Variants in MEF2D observed in about 807,000 individuals in gnomAD.
MEF2D encodes the protein myocyte-specific enhancer factor 2D.
Under a neutral mutation model 59.3 loss-of-function variants are expected in MEF2D, and 10 were observed. That is an observed-to-expected ratio of 0.17 (90% CI 0.10 to 0.29). The LOEUF (loss-of-function observed/expected upper bound fraction) is 0.29, where lower values mean the gene tolerates loss of function less well. MEF2D is among the 10% of genes least tolerant of loss of function. The pLI is 1.00. For missense variants in MEF2D, 508 were observed against 699.4 expected, an observed-to-expected ratio of 0.73 and a Z score of 3.09; for synonymous variants, 305 against 295.0, an observed-to-expected ratio of 1.03 and a Z score of -0.35.
intron 6 of MEF2D, among the ~76,000 whole-genome samples, chr1:156,477,488 G>A (rs186596658): frequency 1.8e-3 from 279 of 152,316 alleles, no homozygotes; most frequent in African/African-American, 6.2e-3. Context: ...GAACTGGAAA[G>A]CAGCCATTGC....
intron 1 of MEF2D, among the ~76,000 whole-genome samples, chr1:156,485,710 T>C (rs1672315601): frequency 6.6e-6 from 1 of 151,364 alleles, no homozygotes; most frequent in Non-Finnish European, 1.5e-5. Context: ...TCTTTTTTTT[T>C]TTTTTGGTAG....
intron 6 of MEF2D, among the ~76,000 whole-genome samples, chr1:156,477,909 C>T (rs1671724997): frequency 6.6e-6 from 1 of 152,214 alleles, no homozygotes; most frequent in African/African-American, 2.4e-5. Context: ...TATATCTGCT[C>T]CATATTCTAC....
In MEF2D at chr1:156,483,226, A is replaced by G; in HGVS notation, c.54+13T>C. On this transcript the variant is annotated intron_variant, in intron 2 of 11. Transcript: ENST00000348159. ...GCCCTCACCCACTTCGTACGGCTCTAGGACTTCCCTACCTGTCGGTTCCGC... is the reference window on the plus strand; with the variant it reads ...GCCCTCACCCACTTCGTACGGCTCTGGGACTTCCCTACCTGTCGGTTCCGC... 6.2e-7 allele frequency: 1 copy of G among 1,613,974 alleles called. No individual in the cohort carries two copies. The highest frequency in any genetic ancestry group is 1.6e-4 in the Middle Eastern group (1 of 6,062).
At chr1:156,486,450 A>G (rs2102184498) in intron 1 of MEF2D, among the ~76,000 whole-genome samples, 1 of 152,282 alleles carries the variant, frequency 6.6e-6, no homozygotes, top group South Asian at 2.1e-4. Flanking sequence ...TGAAAACCCA[A>G]TCTAGACTGT....
intron 1 of MEF2D, among the ~76,000 whole-genome samples, chr1:156,489,460 G>T (rs1351047201): frequency 6.6e-6 from 1 of 152,166 alleles, no homozygotes; most frequent in Admixed American, 6.5e-5. Flanking sequence ...AAAAGAGGCA[G>T]CGAGGCCAGA....
chr1:156,467,396 T>C lies in MEF2D; in HGVS notation c.*249A>G, dbSNP rs2101966698. 1 of 176,936 alleles carries C rather than the reference T, an allele frequency of 5.7e-6. No homozygotes were observed. Among genetic ancestry groups the C allele is most frequent in the African/African-American group, 2.5e-5 (1 of 40,208 alleles). The allele number at this position is 176,936 out of a possible 1,614,324, so 11.0% of individuals were successfully genotyped here. ...GCGAAAAAGAGAGCCCCCCAGCCAG[T>C]GAAAATGGTGGGGGGTACAGAAAGA... is the stretch of plus-strand genomic sequence containing the variant. On this transcript the variant is annotated 3_prime_UTR_variant, in exon 12 of 12. Coordinates refer to ENST00000348159, the MANE Select transcript of MEF2D (RefSeq NM_005920.4).
Position 156,468,991 on chromosome 1 carries a change from A to G in MEF2D, c.1036T>C (p.Ser346Pro). The G allele has an allele frequency of 4.3e-6, 7 of 1,612,268 alleles. No individual in the cohort carries two copies. Among genetic ancestry groups the G allele is most frequent in the Non-Finnish European group, 5.9e-6 (7 of 1,178,538 alleles). The change falls in exon 10 of 12, where the codon TCC (serine) becomes CCC (proline). Residue 346 changes from serine to proline, a missense_variant. Transcript: ENST00000348159. The surrounding 1 kb of genome is among the most constrained non-coding windows in gnomAD (Gnocchi z 4.3). ...DYQLTSAELS[S>P]LPAFSSPGGL... ...CCAGGTGAACTAAAGGCTGGTAAGGAGGAGAGCTCTGCACTGGTCAACTGG... is the reference window on the plus strand; with the variant it reads ...CCAGGTGAACTAAAGGCTGGTAAGGGGGAGAGCTCTGCACTGGTCAACTGG...
In MEF2D at chr1:156,483,233, C is replaced by T; in HGVS notation, c.54+6G>A. ...CCCACTTCGTACGGCTCTAGGACTTCCCTACCTGTCGGTTCCGCTCGTCGG... is the reference window on the plus strand; with the variant it reads ...CCCACTTCGTACGGCTCTAGGACTTTCCTACCTGTCGGTTCCGCTCGTCGG... On this transcript the variant is annotated splice_donor_region_variant and intron_variant, in intron 2 of 11. Transcript: ENST00000348159. 1.2e-6 allele frequency: 2 copies of T among 1,614,120 alleles called. No homozygotes were observed. Among genetic ancestry groups the T allele is most frequent in the Non-Finnish European group, 1.7e-6 (2 of 1,179,998 alleles).
intron 1 of MEF2D, among the ~76,000 whole-genome samples, chr1:156,500,268 G>A (rs532503964): frequency 6.6e-6 from 1 of 151,940 alleles, no homozygotes; most frequent in Non-Finnish European, 1.5e-5. Context: ...CACTCCACTT[G>A]TCCCCCACGA....
Position 156,467,999 on chromosome 1 carries a change from A to G in MEF2D, c.1548T>C (p.Asp516=). ...AGAGGTGATGCTACAGTACCCAGGT[A>G]TCAAGCCGCATCCTCTTCACAGCTG... ...EGSAVKRMRL[D]TWTLK is the part of the protein sequence containing the mutation. The change falls in exon 11 of 12, where the codon GAT becomes GAC. Residue 516 remains aspartate (D), a synonymous_variant. Transcript: ENST00000348159. The G allele has an allele frequency of 6.2e-7, 1 of 1,611,664 alleles. No individual in the cohort carries two copies. Among genetic ancestry groups the G allele is most frequent in the African/African-American group, 1.3e-5 (1 of 75,036 alleles).
rs758633707 is a variant in MEF2D, at chr1:156,483,378, G to A, written c.-86C>T. 2 of 1,289,644 alleles carry A rather than the reference G, an allele frequency of 1.6e-6. No individual in the cohort carries two copies. The highest frequency in any genetic ancestry group is 1.5e-5 in the African/African-American group (1 of 68,696). 79.9% of individuals were successfully genotyped at this position (1,289,644 alleles called of 1,614,324 possible). A position where few individuals can be genotyped will look rare whatever the true frequency, so the allele number is the denominator to read the frequency against. ...ACACCTTACACTGTGCTCATGAACG[G>A]TCTGGGAACAGTGCTCAGTTCATGG... is the stretch of plus-strand genomic sequence containing the variant. On this transcript the variant is annotated 5_prime_UTR_variant, in exon 2 of 12. Coordinates refer to ENST00000348159, the MANE Select transcript of MEF2D (RefSeq NM_005920.4).
At chr1:156,474,895 A>G (rs1298707769) in intron 9 of MEF2D, among the ~76,000 whole-genome samples, 1 of 152,232 alleles carries the variant, frequency 6.6e-6, no homozygotes, top group Non-Finnish European at 1.5e-5. Flanking sequence ...ACATATCTGT[A>G]CTAAAAAACT....
chr1:156,494,421 G>A (rs1673006970), intron 1 of MEF2D, among the ~76,000 whole-genome samples: 1 of 152,166 alleles, frequency 6.6e-6, no homozygotes, highest in Admixed American at 6.5e-5. Context: ...GAGGGATCTG[G>A]CAAGACTCGT....
chr1:156,499,925 C>G (rs942372415), intron 1 of MEF2D, among the ~76,000 whole-genome samples: 1 of 152,036 alleles, frequency 6.6e-6, no homozygotes, highest in Non-Finnish European at 1.5e-5. Context: ...CCCACTACCC[C>G]GGTGTCATCT....
Position 156,467,632 on chromosome 1 carries a change from G to C in MEF2D, c.*13C>G, listed in dbSNP as rs779843419. 7 of 1,322,084 alleles carry C rather than the reference G, an allele frequency of 5.3e-6. No homozygotes were observed. The highest frequency in any genetic ancestry group is 1.9e-6 in the Non-Finnish European group (2 of 1,026,826). The allele number at this position is 1,322,084 out of a possible 1,614,324, so 81.9% of individuals were successfully genotyped here. ...CTTCATCAGGGAGGCTGAGAGGAGGGGAGTGGGAATCGTCACTTTAATGTC... is the reference window on the plus strand; with the variant it reads ...CTTCATCAGGGAGGCTGAGAGGAGGCGAGTGGGAATCGTCACTTTAATGTC... On this transcript the variant is annotated 3_prime_UTR_variant, in exon 12 of 12. Transcript: ENST00000348159.
In MEF2D at chr1:156,482,764, C is replaced by T. The variant is rs979346231; in HGVS notation, c.55-124G>A. ...AGCCCCCATTCTCAGTGTGACACAG[C>T]CCCTGGTCTCAGGAGTCCCTGGTTT... On this transcript the variant is annotated intron_variant, in intron 2 of 11. Coordinates refer to ENST00000348159, the MANE Select transcript of MEF2D (RefSeq NM_005920.4). The T allele has an allele frequency of 8.0e-6, 7 of 876,782 alleles. No individual in the cohort carries two copies. The African/African-American group carries it at 9.9e-5, about 12-fold the overall frequency. 54.3% of individuals were successfully genotyped at this position (876,782 alleles called of 1,614,324 possible).
rs764367042 is a variant in MEF2D, at chr1:156,468,876, GGTGGCTGCTGCTGTGGAGGCT to G, written c.1130_1150del (p.Gln377_Pro383del). 19 of 1,612,768 alleles carry G rather than the reference GGTGGCTGCTGCTGTGGAGGCT, an allele frequency of 1.2e-5. No individual in the cohort carries two copies. The South Asian group carries it at 1.8e-4, about 15-fold the overall frequency. On this transcript the variant is annotated inframe_deletion, in exon 10 of 12. Coordinates refer to ENST00000348159, the MANE Select transcript of MEF2D (RefSeq NM_005920.4). This position sits in a 1 kb window ranked among gnomAD's most constrained non-coding sequence, Gnocchi z 4.3. ...CTGTGGCTGTGGCTGCTGTGGCTGC[GGTGGCTGCTGCTGTGGAGGCT>G]GTGGCTGCTGCGGCTGCTGGGGCTG...
chr1:156,470,203 T>C (rs1671145358), intron 9 of MEF2D, among the ~76,000 whole-genome samples: 1 of 152,144 alleles, frequency 6.6e-6, no homozygotes, highest in Non-Finnish European at 1.5e-5. Context: ...GTTTAGAAAA[T>C]GTCCTCCCTA....
At chr1:156,474,538 G>C (rs893423351) in intron 9 of MEF2D, among the ~76,000 whole-genome samples, 1 of 152,186 alleles carries the variant, frequency 6.6e-6, no homozygotes, top group African/African-American at 2.4e-5. Context: ...TATGTCTTTG[G>C]TGCTGGGCAC....
Sources: gnomAD v4.1 joint callset for allele counts (sites outside exome capture counted in the v4.1 genomes callset) on GRCh38, gnomAD v4.1.1 for gene constraint, Gnocchi (gnomAD v3.1) non-coding constraint, MANE v1.5 for transcripts, NCBI Gene and HGNC (gene_info 2026-07-23, HGNC 2026-07-21) for gene names.